RAPGEF4: variants seen among roughly 807,000 people sequenced by gnomAD.
RAPGEF4 encodes the protein Rap guanine nucleotide exchange factor 4.
RAPGEF4 carries 66 observed loss-of-function variants against 147.9 expected under a neutral mutation model. The ratio of observed to expected loss-of-function variants is 0.45; its 90% CI spans 0.37 to 0.55. The LOEUF is 0.55. Among genes scored for constraint, RAPGEF4 ranks in the 20% least tolerant of loss-of-function variants. The pLI is 0.00. For synonymous variants in RAPGEF4, 419 were observed against 442.7 expected (o/e 0.95, Z 0.67); for missense variants, 1,071 against 1,257.3 (o/e 0.85, Z 2.24).
chr2:173,043,896 G>A (rs1192294606), intron 29 of RAPGEF4, among the ~76,000 whole-genome samples: 2 of 152,214 alleles, frequency 1.3e-5, no homozygotes, highest in Non-Finnish European at 2.9e-5. Flanking sequence ...CCCTTCCTCT[G>A]GATGCTGTCT....
At chr2:172,777,582 C>A (rs933528183) in intron 1 of RAPGEF4, among the ~76,000 whole-genome samples, 1 of 151,808 alleles carries the variant, frequency 6.6e-6, no homozygotes, top group Non-Finnish European at 1.5e-5. Flanking sequence ...TTAAGAAGAC[C>A]CCCCCCATGC....
intron 1 of RAPGEF4, among the ~76,000 whole-genome samples, chr2:172,763,363 G>T (rs1328643351): frequency 6.6e-6 from 1 of 152,144 alleles, no homozygotes; most frequent in Non-Finnish European, 1.5e-5. Context: ...CCTTAGAAGG[G>T]GACAGTCCTT....
At chr2:172,998,265 G>A (rs1693562294) in intron 16 of RAPGEF4, among the ~76,000 whole-genome samples, 1 of 152,202 alleles carries the variant, frequency 6.6e-6, no homozygotes, top group Non-Finnish European at 1.5e-5. Flanking sequence ...ATTAGAGATA[G>A]GGACAAAGCC....
At chr2:173,005,531 T>TTTTG (rs1322936802) in intron 17 of RAPGEF4, among the ~76,000 whole-genome samples, 11 of 139,368 alleles carry the variant, frequency 7.9e-5, no homozygotes, top group African/African-American at 2.7e-4. Flanking sequence ...TTTTTTTTTT[T>TTTTG]TTTTTTTTTT....
At chr2:172,942,902 A>G (rs895720841) in intron 6 of RAPGEF4, among the ~76,000 whole-genome samples, 9 of 152,146 alleles carry the variant, frequency 5.9e-5, no homozygotes, top group Non-Finnish European at 1.2e-4. Flanking sequence ...TTGCATGCTT[A>G]CATCTCACTT....
Position 172,809,879 on chromosome 2 carries a change from A to G in RAPGEF4, c.298-4400A>G, listed in dbSNP as rs371892994. ...GTTTAAATTTCCCCTAATGAATAAG[A>G]GGATTGCCTGGGATGGATTTGATCC... is the stretch of plus-strand genomic sequence containing the variant. On this transcript the variant is annotated intron_variant, in intron 3 of 30. Transcript: ENST00000397081. 3.0e-4 allele frequency among the ~76,000 whole-genome samples: 46 copies of G among 152,258 alleles called. No individual in the cohort carries two copies. The East Asian group carries it at 8.9e-3, about 29-fold the overall frequency.
chr2:172,919,909 G>A (rs537018090), intron 5 of RAPGEF4, among the ~76,000 whole-genome samples: 31 of 152,032 alleles, frequency 2.0e-4, no homozygotes, highest in African/African-American at 5.5e-4. Context: ...CGGGCCCAGC[G>A]CCCTTCCTTT....
At chr2:172,895,998 G>A (rs1698433408) in intron 4 of RAPGEF4, among the ~76,000 whole-genome samples, 1 of 152,180 alleles carries the variant, frequency 6.6e-6, no homozygotes, top group African/African-American at 2.4e-5. Context: ...AGGCTTTTCT[G>A]TGAAATAAAC....
chr2:172,981,351 G>A (rs1306735420), intron 10 of RAPGEF4, among the ~76,000 whole-genome samples: 2 of 152,200 alleles, frequency 1.3e-5, no homozygotes, highest in African/African-American at 4.8e-5. Context: ...TGACTCGATT[G>A]ACTTTTAAAT....
chr2:172,793,099 T>A (rs1685990380), intron 1 of RAPGEF4, among the ~76,000 whole-genome samples: 1 of 152,198 alleles, frequency 6.6e-6, no homozygotes, highest in African/African-American at 2.4e-5. Context: ...CTTTTGCAGG[T>A]TGCCAGCAAT....
intron 4 of RAPGEF4, among the ~76,000 whole-genome samples, chr2:172,916,016 A>C (rs963329618): frequency 9.8e-5 from 15 of 152,314 alleles, no homozygotes; most frequent in Admixed American, 9.1e-4. Context: ...CACTGTACAT[A>C]GTAGATGCTC....
chr2:172,828,902 T>G (rs1009071318), intron 4 of RAPGEF4, among the ~76,000 whole-genome samples: 1 of 152,198 alleles, frequency 6.6e-6, no homozygotes, highest in Non-Finnish European at 1.5e-5. Flanking sequence ...AAGGAAAGGC[T>G]GCAAGGAGGC....
intron 27 of RAPGEF4, among the ~76,000 whole-genome samples, chr2:173,034,873 A>AACACACAC (rs34646146): frequency 0.022 from 3,144 of 140,912 alleles, 91 homozygotes; most frequent in African/African-American, 0.077. Context: ...ACCCCGTCTC[A>AACACACAC]ACACACACAC....
At chr2:172,744,440 A>C (rs1365561147) in intron 1 of RAPGEF4, 1 of 456,510 alleles carries the variant, frequency 2.2e-6, no homozygotes. Context: ...GAGCTAATGC[A>C]AACGTTGCGT....
At chr2:173,024,035 C>T (rs1696387037) in intron 23 of RAPGEF4, among the ~76,000 whole-genome samples, 1 of 152,194 alleles carries the variant, frequency 6.6e-6, no homozygotes, top group Non-Finnish European at 1.5e-5. Context: ...CCATATGCTA[C>T]TTGCCCATCA....
At chr2:173,036,256 T>TG (rs752754406) in intron 28 of RAPGEF4, 44 bp downstream of exon 28, 4 of 1,423,332 alleles carry the variant, frequency 2.8e-6, no homozygotes, top group Admixed American at 1.7e-5. Context: ...GATGAGTATT[T>TG]GGGGAGGGAA....
At position 173,042,496 on chromosome 2, in the gene RAPGEF4, G is replaced by A. The variant is rs1028177884; in HGVS notation, c.2853+5804G>A. The stretch of plus-strand genomic sequence containing the variant: ...AAATTAGCCAGGCATGGTGGCGGGC[G>A]CCTGTAATCCCAGCTATTCAGGAGG... On this transcript the variant is annotated intron_variant, in intron 29 of 30. Transcript: ENST00000397081. The surrounding 1 kb of genome is among the most constrained non-coding windows in gnomAD (Gnocchi z 4.2). Among the ~76,000 whole-genome samples, 15 of 152,038 alleles carry A rather than the reference G, an allele frequency of 9.9e-5. No homozygotes were observed. Among genetic ancestry groups the A allele is most frequent in the Non-Finnish European group, 2.9e-5 (2 of 67,998 alleles).
At chr2:172,833,260 G>GTT (rs11335525) in intron 4 of RAPGEF4, among the ~76,000 whole-genome samples, 5 of 126,844 alleles carry the variant, frequency 3.9e-5, no homozygotes, top group Admixed American at 8.1e-5. Flanking sequence ...AGAGGTTTGG[G>GTT]TTTTTTTTTT....
intron 4 of RAPGEF4, chr2:172,859,925 G>C: frequency 3.1e-6 from 2 of 650,400 alleles, no homozygotes; most frequent in Non-Finnish European, 3.8e-6. Context: ...TGAAGAGGAG[G>C]CTCGGTAGAA....
Sources: gnomAD v4.1 joint callset for allele counts (sites outside exome capture counted in the v4.1 genomes callset) on GRCh38, gnomAD v4.1.1 for gene constraint, Gnocchi (gnomAD v3.1) non-coding constraint, MANE v1.5 for transcripts, NCBI Gene and HGNC (gene_info 2026-07-23, HGNC 2026-07-21) for gene names.